ERBB4: variants seen among roughly 807,000 people sequenced by gnomAD.
ERBB4 encodes erb-b2 receptor tyrosine kinase 4.
ERBB4 carries 42 observed loss-of-function variants against 158.0 expected under a neutral mutation model. The observed-to-expected ratio is 0.27, with a 90% CI of 0.21 to 0.34. ERBB4 has a LOEUF of 0.34. Ranked by LOEUF, ERBB4 falls within the 10% of genes least tolerant of loss-of-function variation. The probability of loss-of-function intolerance (pLI) is 1.00; values close to 1 mark genes in which losing one functional copy is unlikely to be tolerated. For missense variants in ERBB4, 1,333 were observed against 1,624.1 expected, an observed-to-expected ratio of 0.82 and a Z score of 3.08; for synonymous variants, 583 against 558.7, an observed-to-expected ratio of 1.04 and a Z score of -0.61.
intron 19 of ERBB4, among the ~76,000 whole-genome samples, chr2:211,564,965 A>G (rs560520431): frequency 1.3e-5 from 2 of 152,286 alleles, no homozygotes; most frequent in African/African-American, 4.8e-5. Flanking sequence ...AAACTAAGCT[A>G]AAGTAAAAAA....
At chr2:211,624,742 T>C (rs1265571868) in intron 17 of ERBB4, among the ~76,000 whole-genome samples, 1 of 152,132 alleles carries the variant, frequency 6.6e-6, no homozygotes, top group Non-Finnish European at 1.5e-5. Context: ...TCCTAAAGAA[T>C]GTACACTTTA....
At chr2:211,703,664 T>C (rs2073334537) in intron 11 of ERBB4, among the ~76,000 whole-genome samples, 2 of 152,198 alleles carry the variant, frequency 1.3e-5, no homozygotes, top group Non-Finnish European at 2.9e-5. Flanking sequence ...CGTACAGTGG[T>C]GGACGAGTTC....
intron 1 of ERBB4, among the ~76,000 whole-genome samples, chr2:212,201,587 G>C (rs1479926846): frequency 6.6e-6 from 1 of 152,050 alleles, no homozygotes; most frequent in Non-Finnish European, 1.5e-5. Flanking sequence ...TCAGAATATA[G>C]CTATGTCAAA....
chr2:212,124,699 A>G, intron 2 of ERBB4, 53 bp downstream of exon 2: 1 of 1,602,220 alleles, frequency 6.2e-7, no homozygotes, highest in Non-Finnish European at 8.6e-7. Context: ...GCCTGTATGC[A>G]TCATGACGCC....
At chr2:212,449,301 T>C (rs967866144) in intron 1 of ERBB4, among the ~76,000 whole-genome samples, 1 of 152,144 alleles carries the variant, frequency 6.6e-6, no homozygotes, top group Non-Finnish European at 1.5e-5. Flanking sequence ...AATTATTTTA[T>C]TGCCAACGAT....
intron 12 of ERBB4, among the ~76,000 whole-genome samples, chr2:211,685,257 T>C (rs2072516994): frequency 6.6e-6 from 1 of 152,232 alleles, no homozygotes; most frequent in Non-Finnish European, 1.5e-5. Flanking sequence ...TTTATAGCTT[T>C]ATATTTTACA....
At chr2:211,562,285 G>A (rs2067417834) in intron 19 of ERBB4, among the ~76,000 whole-genome samples, 197 bp from the exon 20 acceptor site, 1 of 152,116 alleles carries the variant, frequency 6.6e-6, no homozygotes, top group Non-Finnish European at 1.5e-5. Flanking sequence ...AAACAACAAA[G>A]TCTCTACATG....
intron 7 of ERBB4, among the ~76,000 whole-genome samples, chr2:211,716,665 G>A (rs1335836672): frequency 6.6e-6 from 1 of 151,238 alleles, no homozygotes; most frequent in African/African-American, 2.4e-5. Context: ...GACAGAGCGA[G>A]ACTCCGTCTC....
rs1345668961 is a variant in ERBB4, at chr2:212,364,935, GTGTT to G, written c.82+173510_82+173513del. 9.3e-5 allele frequency among the ~76,000 whole-genome samples: 14 copies of G among 150,330 alleles called. No individual in the cohort carries two copies. The East Asian group carries it at 1.2e-3, about 13-fold the overall frequency. On this transcript the variant is annotated intron_variant, in intron 1 of 27. Coordinates refer to ENST00000342788, the MANE Select transcript of ERBB4 (RefSeq NM_005235.3). ...TGTGAGTGTGTGTGTGTGTGTGTGT[GTGTT>G]TATCAGACTGCTAACTGAATGAATT...
intron 2 of ERBB4, among the ~76,000 whole-genome samples, chr2:211,995,669 T>C (rs2082184555): frequency 1.3e-5 from 2 of 152,188 alleles, no homozygotes; most frequent in African/African-American, 4.8e-5. Context: ...TCATAGGCTC[T>C]TGCGCATTAC....
chr2:211,619,550 A>G (rs1309766496), intron 18 of ERBB4, among the ~76,000 whole-genome samples: 1 of 152,140 alleles, frequency 6.6e-6, no homozygotes, highest in Non-Finnish European at 1.5e-5. Flanking sequence ...AAGGCTTTGA[A>G]TAGTGAAGAC....
intron 3 of ERBB4, among the ~76,000 whole-genome samples, chr2:211,806,520 T>G (rs1195488611): frequency 6.6e-6 from 1 of 152,006 alleles, no homozygotes; most frequent in African/African-American, 2.4e-5. Context: ...CACAGCAAGA[T>G]AGTGAAAAAT....
At chr2:212,140,574 G>T (rs1375177395) in intron 1 of ERBB4, among the ~76,000 whole-genome samples, 1 of 149,170 alleles carries the variant, frequency 6.7e-6, no homozygotes, top group Non-Finnish European at 1.5e-5. Flanking sequence ...TCTATAATAT[G>T]CCATTTCTTT....
chr2:211,434,362 C>G (rs978198748), intron 20 of ERBB4, among the ~76,000 whole-genome samples: 9 of 152,184 alleles, frequency 5.9e-5, no homozygotes, highest in African/African-American at 2.2e-4. Context: ...CATGAGAATA[C>G]AACGTCATGA....
chr2:212,475,759 C>G (rs912705568), intron 1 of ERBB4, among the ~76,000 whole-genome samples: 1 of 151,918 alleles, frequency 6.6e-6, no homozygotes, highest in African/African-American at 2.4e-5. Context: ...TGAATTAGAA[C>G]AAAAGTTATT....
At chr2:211,393,238 T>A (rs541724494) in intron 25 of ERBB4, among the ~76,000 whole-genome samples, 1 of 152,324 alleles carries the variant, frequency 6.6e-6, no homozygotes, top group African/African-American at 2.4e-5. Flanking sequence ...AAAGAGAAAC[T>A]AATATATATT....
At chr2:212,401,656 A>G (rs1468436560) in intron 1 of ERBB4, among the ~76,000 whole-genome samples, 1 of 152,164 alleles carries the variant, frequency 6.6e-6, no homozygotes, top group Non-Finnish European at 1.5e-5. Flanking sequence ...GAAATTAACC[A>G]TTATGTTTAT....
intron 13 of ERBB4, among the ~76,000 whole-genome samples, chr2:211,677,317 C>T (rs985866544): frequency 1.3e-5 from 2 of 152,104 alleles, no homozygotes; most frequent in Admixed American, 1.3e-4. Flanking sequence ...GTAATCCCAG[C>T]ACTTTGGGAG....
At chr2:211,755,008 A>G (rs2075255775) in intron 4 of ERBB4, among the ~76,000 whole-genome samples, 2 of 152,256 alleles carry the variant, frequency 1.3e-5, no homozygotes, top group Non-Finnish European at 2.9e-5. Flanking sequence ...GCCTGCTATA[A>G]TTCTTTTGAA....
Sources: allele counts gnomAD v4.1 joint callset (sites outside exome capture counted in the v4.1 genomes callset), GRCh38; gene constraint gnomAD v4.1.1; transcripts MANE v1.5; gene names NCBI Gene and HGNC (gene_info 2026-07-23, HGNC 2026-07-21).